Variants in FAAH observed in about 807,000 individuals in gnomAD.
FAAH encodes fatty-acid amide hydrolase 1.
In FAAH, 63 loss-of-function variants were observed where a neutral mutation model predicts 69.7. That is an observed-to-expected ratio of 0.90 (90% CI 0.74 to 1.12). The LOEUF is 1.12. FAAH is among the 50% of genes most tolerant of loss of function. FAAH has a pLI of 0.00. For synonymous variants in FAAH, 305 were observed against 324.2 expected, an observed-to-expected ratio of 0.94 and a Z score of 0.64; for missense variants, 680 against 755.0, an observed-to-expected ratio of 0.90 and a Z score of 1.16.
chr1:46,413,008 G>T, intron 13 of FAAH, 67 bp from the exon 14 acceptor site: 1 of 1,596,720 alleles, frequency 6.3e-7, no homozygotes, highest in South Asian at 1.1e-5. Context: ...TATGAGGTTT[G>T]ACTCAGGCCC....
rs1664758522 is a variant in FAAH at position 46,404,618 on chromosome 1, G to A, written c.310-396G>A. Among the ~76,000 whole-genome samples the A allele has an allele frequency of 1.3e-5, 2 of 152,206 alleles. No homozygotes were observed. The highest frequency in any genetic ancestry group is 1.3e-4 in the Admixed American group (2 of 15,280). On this transcript the variant is annotated intron_variant, in intron 2 of 14. Transcript: ENST00000243167. This position sits in a 1 kb window ranked among gnomAD's most constrained non-coding sequence, Gnocchi z 4.5. ...GTGGTTGCCCTTCAGTGTGACCAGT[G>A]ATGGGGCGCTGCCCCTGTCTGGTTT... is the stretch of plus-strand genomic sequence containing the variant.
intron 1 of FAAH, 22 bp downstream of exon 1, chr1:46,394,565 G>C: frequency 7.5e-7 from 1 of 1,335,010 alleles, no homozygotes; most frequent in Non-Finnish European, 9.5e-7. Flanking sequence ...AGCGTAGTGG[G>C]ATGGGCGCGG....
Position 46,413,170 on chromosome 1 carries a change from G to A in FAAH, c.1561G>A (p.Glu521Lys). The A allele has an allele frequency of 6.2e-7, 1 of 1,614,154 alleles. No individual in the cohort carries two copies. Among genetic ancestry groups the A allele is most frequent in the Non-Finnish European group, 8.5e-7 (1 of 1,180,020 alleles). Residue 521 changes from glutamate to lysine, a missense_variant, in exon 14 of 15, where the codon GAA (glutamate) becomes AAA (lysine). By Grantham distance (56) the Glu-to-Lys change is moderately conservative. Transcript: ENST00000243167. ...TVTAEDEAQMEHYRGYFGDIW... is the reference protein window; with the variant it reads ...TVTAEDEAQMKHYRGYFGDIW... The stretch of plus-strand genomic sequence containing the variant: ...GACTGCTGAGGACGAGGCCCAGATG[G>A]AACATTACAGGGGCTACTTTGGGGA...
Position 46,410,078 on chromosome 1 carries a change from GTACCTCCCTA to G in FAAH, c.1176-319_1176-310del. 2 of 291,626 alleles carry G rather than the reference GTACCTCCCTA, an allele frequency of 6.9e-6. No homozygotes were observed. The highest frequency in any genetic ancestry group is 1.1e-3 in the Middle Eastern group (1 of 874). The allele number at this position is 291,626 out of a possible 1,614,324, so 18.1% of individuals were successfully genotyped here. ...ATTTCCCCACCTGTGCCTCCAGGCT[GTACCTCCCTA>G]AGGGGAGGTACCCTCAGGGAGGCCT... On this transcript the variant is annotated intron_variant, in intron 9 of 14. Coordinates refer to ENST00000243167, the MANE Select transcript of FAAH (RefSeq NM_001441.3). The surrounding 1 kb of genome is among the most constrained non-coding windows in gnomAD (Gnocchi z 4.9).
At chr1:46,396,127 T>C (rs1442780827) in intron 1 of FAAH, among the ~76,000 whole-genome samples, 1 of 152,056 alleles carries the variant, frequency 6.6e-6, no homozygotes, top group African/African-American at 2.4e-5. Context: ...GGAAAACATG[T>C]GAGCAAAGGA....
intron 7 of FAAH, among the ~76,000 whole-genome samples, chr1:46,408,119 G>A (rs1316997246): frequency 2.6e-5 from 4 of 152,190 alleles, no homozygotes. Context: ...AGGACAGGTG[G>A]TGGAGAGCCT....
intron 14 of FAAH, 93 bp from the exon 15 acceptor site, chr1:46,413,354 C>CTAGCTGG: frequency 6.2e-7 from 1 of 1,609,484 alleles, no homozygotes; most frequent in East Asian, 2.2e-5. Context: ...CCTGGCCCTA[C>CTAGCTGG]GTTGTGGCCT....
chr1:46,402,991 C>T (rs1481096137), intron 2 of FAAH, among the ~76,000 whole-genome samples: 1 of 151,962 alleles, frequency 6.6e-6, no homozygotes, highest in Non-Finnish European at 1.5e-5. Context: ...CTGCAGCTGG[C>T]CCCCAACTAA....
Position 46,408,481 on chromosome 1 carries a change from T to A in FAAH, c.974T>A (p.Leu325Gln). 1 of 1,614,128 alleles carries A rather than the reference T, an allele frequency of 6.2e-7. No individual in the cohort carries two copies. The highest frequency in any genetic ancestry group is 8.5e-7 in the Non-Finnish European group (1 of 1,180,008). The change falls in exon 8 of 15, where the codon CTG (leucine) becomes CAG (glutamine). Residue 325 changes from leucine (L) to glutamine (Q), a missense_variant. Coordinates refer to ENST00000243167, the MANE Select transcript of FAAH (RefSeq NM_001441.3). ...CAGGTCTACACCAGCTCTCAGCCCC[T>A]GCGTGTGGGGTACTATGAGACTGAC... ...REEVYTSSQP[L>Q]RVGYYETDNY...
chr1:46,394,758 G>A (rs1001495178), intron 1 of FAAH, among the ~76,000 whole-genome samples: 1 of 152,210 alleles, frequency 6.6e-6, no homozygotes, highest in African/African-American at 2.4e-5. Context: ...GGTGGTGGAA[G>A]GCCTTTCCCT....
At chr1:46,406,500 T>G in intron 7 of FAAH, 132 bp downstream of exon 7, 1 of 1,244,622 alleles carries the variant, frequency 8.0e-7, no homozygotes, top group Non-Finnish European at 1.1e-6. Context: ...GGCGGGTTGC[T>G]CCTCCACAGA....
Position 46,402,074 on chromosome 1 carries a change from G to A in FAAH, c.196-17G>A, listed in dbSNP as rs760679387. 6.3e-7 allele frequency: 1 copy of A among 1,589,390 alleles called. No individual in the cohort carries two copies. The highest frequency in any genetic ancestry group is 8.6e-7 in the Non-Finnish European group (1 of 1,165,788). On this transcript the variant is annotated splice_polypyrimidine_tract_variant and intron_variant, in intron 1 of 14. Coordinates refer to ENST00000243167, the MANE Select transcript of FAAH (RefSeq NM_001441.3). ...ACTTCGGCGAGTAGGGGACTGATCC[G>A]AGTTTGTTCCCCACAGAACCCAGAC... is the stretch of plus-strand genomic sequence containing the variant.
intron 1 of FAAH, among the ~76,000 whole-genome samples, chr1:46,395,906 A>C (rs1042545193): frequency 3.3e-5 from 5 of 152,220 alleles, no homozygotes; most frequent in Non-Finnish European, 7.3e-5. Flanking sequence ...ATTTCTCCTC[A>C]GGTGGGACAA....
chr1:46,407,551 T>C (rs1354750178), intron 7 of FAAH, among the ~76,000 whole-genome samples: 3 of 152,056 alleles, frequency 2.0e-5, no homozygotes, highest in African/African-American at 4.8e-5. Context: ...CTGAGACCAG[T>C]ATTTTGCTCT....
At position 46,413,664 on chromosome 1, in the gene FAAH, T is replaced by C. The variant is rs2148454934; in HGVS notation, c.*89T>C. ...CTGCCCTGCTGCCACAGCAAGGAAA[T>C]GTCCTGCATGGGGCAGAGGCTTCCG... On this transcript the variant is annotated 3_prime_UTR_variant, in exon 15 of 15. Coordinates refer to ENST00000243167, the MANE Select transcript of FAAH (RefSeq NM_001441.3). 6.3e-6 allele frequency: 10 copies of C among 1,589,408 alleles called. No individual in the cohort carries two copies. Among genetic ancestry groups the C allele is most frequent in the Non-Finnish European group, 8.6e-6 (10 of 1,161,614 alleles).
rs753017701 is a variant in FAAH, at chr1:46,404,651, C to T, written c.310-363C>T. 6.6e-6 allele frequency among the ~76,000 whole-genome samples: 1 copy of T among 152,196 alleles called. No individual in the cohort carries two copies. The highest frequency in any genetic ancestry group is 1.5e-5 in the Non-Finnish European group (1 of 68,034). Reference sequence around the variant, plus strand: ...GCTGCCCCTGTCTGGTTTCTGTCTGCCTCACTGGCAGAGATGTGGCTTGGG... The same window carrying T: ...GCTGCCCCTGTCTGGTTTCTGTCTGTCTCACTGGCAGAGATGTGGCTTGGG... On this transcript the variant is annotated intron_variant, in intron 2 of 14. Coordinates refer to ENST00000243167, the MANE Select transcript of FAAH (RefSeq NM_001441.3). This position sits in a 1 kb window ranked among gnomAD's most constrained non-coding sequence, Gnocchi z 4.5.
intron 1 of FAAH, among the ~76,000 whole-genome samples, chr1:46,399,602 G>A (rs1028104341): frequency 6.6e-6 from 1 of 152,204 alleles, no homozygotes; most frequent in Non-Finnish European, 1.5e-5. Context: ...GTTGGTGACC[G>A]GACTGTCAGG....
Position 46,409,120 on chromosome 1 carries a change from G to A in FAAH, c.1097G>A (p.Ser366Asn), listed in dbSNP as rs1326831986. The A allele has an allele frequency of 1.9e-6, 3 of 1,613,944 alleles. No homozygotes were observed. The highest frequency in any genetic ancestry group is 1.3e-5 in the African/African-American group (1 of 74,892). Residue 366 changes from serine to asparagine, a missense_variant, in exon 9 of 15, where the codon AGC becomes AAC. By Grantham distance (46) the Ser-to-Asn change is conservative. Transcript: ENST00000243167. ...AGHTLVPFLP[S>N]NIPHALETLS... is the part of the protein sequence containing the mutation. ...CTGCAGCTGGTTCCCTTCTTGCCAA[G>A]CAACATACCCCATGCTCTGGAGACC...
chr1:46,405,192 C>T lies in FAAH; in HGVS notation c.444+44C>T, dbSNP rs1298771340. On this transcript the variant is annotated intron_variant, in intron 3 of 14. Transcript: ENST00000243167. The surrounding 1 kb of genome is among the most constrained non-coding windows in gnomAD (Gnocchi z 4.1). ...CCAGGCCTCCATCGTCCCCTCCATC[C>T]CTGCCAGCCTGCTCTGCATCTTGGG... 1.2e-6 allele frequency: 2 copies of T among 1,613,384 alleles called. No homozygotes were observed. The highest frequency in any genetic ancestry group is 1.7e-5 in the Admixed American group (1 of 60,022).
Sources: allele counts gnomAD v4.1 joint callset (sites outside exome capture counted in the v4.1 genomes callset), GRCh38; gene constraint gnomAD v4.1.1; non-coding constraint Gnocchi (gnomAD v3.1); transcripts MANE v1.5; gene names NCBI Gene and HGNC (gene_info 2026-07-23, HGNC 2026-07-21).